Variants in PPM1E observed in about 807,000 individuals in gnomAD.
PPM1E encodes the protein protein phosphatase, Mg2+/Mn2+ dependent 1E, also known as protein phosphatase 1E.
PPM1E carries 20 observed loss-of-function variants against 65.9 expected under a neutral mutation model. The observed-to-expected ratio is 0.30, with a 90% CI of 0.21 to 0.44. The LOEUF (loss-of-function observed/expected upper bound fraction) is 0.44, where lower values mean the gene tolerates loss of function less well. Among genes scored for constraint, PPM1E ranks in the 20% least tolerant of loss-of-function variants. The pLI is 1.00. For missense variants in PPM1E, 713 were observed against 953.1 expected (o/e 0.75, Z 3.32); for synonymous variants, 352 against 374.9 (o/e 0.94, Z 0.70).
At chr17:58,803,692 A>G (rs1297170163) in intron 1 of PPM1E, among the ~76,000 whole-genome samples, 1 of 152,198 alleles carries the variant, frequency 6.6e-6, no homozygotes, top group Non-Finnish European at 1.5e-5. Flanking sequence ...AATCATTTTC[A>G]GTCAGAACCA....
intron 1 of PPM1E, among the ~76,000 whole-genome samples, chr17:58,756,698 G>A (rs1013118479): frequency 1.3e-5 from 2 of 149,294 alleles, no homozygotes; most frequent in Non-Finnish European, 3.0e-5. Context: ...CGGCCTTGAA[G>A]CCGCTCTCCT....
At chr17:58,889,310 A>G (rs1224561846) in intron 1 of PPM1E, among the ~76,000 whole-genome samples, 1 of 152,156 alleles carries the variant, frequency 6.6e-6, no homozygotes, top group Admixed American at 6.6e-5. Flanking sequence ...CTTTTTAAAA[A>G]TCATTTTAGG....
chr17:58,934,669 A>G (rs990505101), intron 1 of PPM1E, among the ~76,000 whole-genome samples: 1 of 152,128 alleles, frequency 6.6e-6, no homozygotes, highest in Non-Finnish European at 1.5e-5. Flanking sequence ...GGCTCAGCCT[A>G]TAATCCCAGC....
chr17:58,818,807 G>T (rs181867867), intron 1 of PPM1E, among the ~76,000 whole-genome samples: 38 of 152,332 alleles, frequency 2.5e-4, no homozygotes, highest in African/African-American at 8.4e-4. Context: ...GCAAGAGTCT[G>T]TGATAGTGCT....
chr17:58,756,317 C>T lies in PPM1E; in HGVS notation c.320C>T (p.Ala107Val). ...GAGGAGGGCGCGGCGACGGCGGCGG[C>T]AGCCCCGGGGCACTCGGCCGTGCCG... ...EEEEGAATAA[A>V]APGHSAVPPP... Residue 107 changes from alanine to valine, a missense_variant, in exon 1 of 7, where the codon GCA becomes GTA. Coordinates refer to ENST00000308249, the MANE Select transcript of PPM1E (RefSeq NM_014906.5). The T allele has an allele frequency of 8.6e-6, 13 of 1,503,206 alleles. No individual in the cohort carries two copies. The highest frequency in any genetic ancestry group is 1.1e-5 in the Non-Finnish European group (12 of 1,127,036). 93.1% of individuals were successfully genotyped at this position (1,503,206 alleles called of 1,614,324 possible). A position where few individuals can be genotyped will look rare whatever the true frequency, so the allele number is the denominator to read the frequency against.
intron 1 of PPM1E, among the ~76,000 whole-genome samples, chr17:58,936,696 T>C (rs1598661144): frequency 6.6e-6 from 1 of 152,236 alleles, no homozygotes; most frequent in Non-Finnish European, 1.5e-5. Context: ...ATGTATATTG[T>C]CTTAATATGC....
At chr17:58,923,625 G>C (rs994314455) in intron 1 of PPM1E, among the ~76,000 whole-genome samples, 10 of 151,402 alleles carry the variant, frequency 6.6e-5, no homozygotes, top group African/African-American at 2.4e-4. Context: ...TGTGCCTCCC[G>C]AGTACCAGCT....
chr17:58,977,752 CTT>C (rs1161003647), intron 6 of PPM1E, among the ~76,000 whole-genome samples: 2 of 151,828 alleles, frequency 1.3e-5, no homozygotes, highest in East Asian at 3.9e-4. Context: ...TGGAAAGAAA[CTT>C]TTTTTTGAGA....
At chr17:58,764,524 C>A (rs1185683175) in intron 1 of PPM1E, among the ~76,000 whole-genome samples, 2 of 152,202 alleles carry the variant, frequency 1.3e-5, no homozygotes, top group East Asian at 1.9e-4. Flanking sequence ...CAGCCTCAAA[C>A]TTCTGGGCTC....
At chr17:58,868,568 C>CT (rs533820677) in intron 1 of PPM1E, among the ~76,000 whole-genome samples, 5,075 of 128,240 alleles carry the variant, frequency 0.04, 217 homozygotes, top group Admixed American at 0.093. Flanking sequence ...AATGTCCAGG[C>CT]TTTTTTTTTT....
At chr17:58,948,038 C>T (rs1461616918) in intron 1 of PPM1E, among the ~76,000 whole-genome samples, 1 of 152,060 alleles carries the variant, frequency 6.6e-6, no homozygotes, top group Admixed American at 6.6e-5. Flanking sequence ...GAGCAAGTAT[C>T]CAGAGGGAGA....
intron 1 of PPM1E, among the ~76,000 whole-genome samples, chr17:58,938,903 C>A (rs2052022694): frequency 6.6e-6 from 1 of 151,584 alleles, no homozygotes; most frequent in Non-Finnish European, 1.5e-5. Flanking sequence ...ATTCTTCTGC[C>A]TCAGCCGCCA....
At chr17:58,766,953 A>G (rs2049886215) in intron 1 of PPM1E, among the ~76,000 whole-genome samples, 1 of 152,206 alleles carries the variant, frequency 6.6e-6, no homozygotes, top group South Asian at 2.1e-4. Context: ...TCGGGGTCAC[A>G]TGGAAAGTTA....
intron 1 of PPM1E, among the ~76,000 whole-genome samples, chr17:58,888,362 C>CTTTTTTTTTTT (rs71367642): frequency 9.6e-6 from 1 of 104,490 alleles, no homozygotes; most frequent in African/African-American, 3.8e-5. Context: ...ACTCTTCTCT[C>CTTTTTTTTTTT]TTTTTTTTTT....
At chr17:58,824,024 C>T (rs947205839) in intron 1 of PPM1E, among the ~76,000 whole-genome samples, 3 of 152,048 alleles carry the variant, frequency 2.0e-5, no homozygotes, top group African/African-American at 7.2e-5. Context: ...GGCACCGTGC[C>T]CGGCCTGCAA....
chr17:58,892,008 G>A (rs1404333748), intron 1 of PPM1E, among the ~76,000 whole-genome samples: 1 of 151,500 alleles, frequency 6.6e-6, no homozygotes, highest in Non-Finnish European at 1.5e-5. Flanking sequence ...GCTAATTTTT[G>A]TATTTTTAGT....
intron 1 of PPM1E, among the ~76,000 whole-genome samples, chr17:58,818,386 T>G (rs2050447735): frequency 1.3e-5 from 2 of 152,224 alleles, no homozygotes; most frequent in Non-Finnish European, 2.9e-5. Flanking sequence ...TCTACAAGCA[T>G]ATTTTAGGAC....
rs570340803 is a variant in PPM1E at position 58,912,434 on chromosome 17, G to A, written c.465-43215G>A. 2.6e-5 allele frequency among the ~76,000 whole-genome samples: 4 copies of A among 152,322 alleles called. No individual in the cohort carries two copies. In the South Asian group the frequency reaches 8.3e-4, roughly 32 times the overall value. The stretch of plus-strand genomic sequence containing the variant: ...CTGAAGAACATTTGTTCCAGGCAGA[G>A]AAAATGATGCAAAGTGCAAAGGGCC... On this transcript the variant is annotated intron_variant, in intron 1 of 6. Transcript: ENST00000308249.
intron 1 of PPM1E, among the ~76,000 whole-genome samples, chr17:58,881,305 A>AC (rs1271238088): frequency 1.3e-5 from 2 of 152,082 alleles, no homozygotes; most frequent in Non-Finnish European, 1.5e-5. Flanking sequence ...AGGCAGGTGG[A>AC]TCGCCTTGAG....
Sources: gnomAD v4.1 joint callset for allele counts (sites outside exome capture counted in the v4.1 genomes callset) on GRCh38, gnomAD v4.1.1 for gene constraint, MANE v1.5 for transcripts, NCBI Gene and HGNC (gene_info 2026-07-23, HGNC 2026-07-21) for gene names.